C6orf132: variants seen among roughly 807,000 people sequenced by gnomAD.
C6orf132 encodes uncharacterized protein C6orf132.
A neutral mutation model predicts 65.3 loss-of-function variants in C6orf132; 43 were observed. That is an observed-to-expected ratio of 0.66 (90% CI 0.52 to 0.85). The LOEUF (loss-of-function observed/expected upper bound fraction) is 0.85. C6orf132 is among the 40% of genes least tolerant of loss of function. The pLI is 0.00. For missense variants in C6orf132, 1,488 were observed against 1,548.8 expected (o/e 0.96, Z 0.66); for synonymous variants, 631 against 654.1 (o/e 0.96, Z 0.54).
chr6:42,133,296 A>C (rs1766883562), intron 1 of C6orf132, among the ~76,000 whole-genome samples: 1 of 152,236 alleles, frequency 6.6e-6, no homozygotes, highest in African/African-American at 2.4e-5. Context: ...CTCTCGGAAC[A>C]AGACTGCAGT....
At chr6:42,115,509 G>A (rs1203520012) in intron 2 of C6orf132, among the ~76,000 whole-genome samples, 1 of 151,460 alleles carries the variant, frequency 6.6e-6, no homozygotes, top group East Asian at 2.0e-4. Context: ...AGCCCGGCAT[G>A]GTGGCAGGCG....
Position 42,106,527 on chromosome 6 carries a change from C to G in C6orf132, c.1385G>C (p.Arg462Thr). Reference protein sequence around the residue: ...NTASSAPVDWRDPSQMEKLRN... With the variant: ...NTASSAPVDWTDPSQMEKLRN... The stretch of plus-strand genomic sequence containing the variant: ...CAGCTTTTCCATCTGGCTGGGGTCC[C>G]TCCAGTCCACAGGTGCTGAAGACGC... Residue 462 changes from arginine (R) to threonine (T), a missense_variant, in exon 4 of 5, where the codon AGG becomes ACG. By Grantham distance (71) the Arg-to-Thr change is moderately conservative. Transcript: ENST00000341865. 6.5e-7 allele frequency: 1 copy of G among 1,536,410 alleles called. No individual in the cohort carries two copies. The highest frequency in any genetic ancestry group is 8.7e-7 in the Non-Finnish European group (1 of 1,146,848).
intron 2 of C6orf132, among the ~76,000 whole-genome samples, chr6:42,125,790 T>C (rs1488226658): frequency 6.6e-6 from 1 of 151,438 alleles, no homozygotes; most frequent in Non-Finnish European, 1.5e-5. Context: ...TGGCCAGGTC[T>C]GCCTGGGGTC....
intron 1 of C6orf132, among the ~76,000 whole-genome samples, chr6:42,139,583 C>G (rs1767002404): frequency 1.3e-5 from 2 of 152,230 alleles, no homozygotes; most frequent in Non-Finnish European, 2.9e-5. Flanking sequence ...CAGAATGGAG[C>G]CAGGACTGTA....
chr6:42,119,275 A>AG lies in C6orf132; in HGVS notation c.253-8985dup, dbSNP rs1214588120. Reference sequence around the variant, plus strand: ...AAAAAAAAAAAAAAAAAAAAAAAAAAGGGAGAATTCCTGGCCTCCCAAAGT... The same window carrying AG: ...AAAAAAAAAAAAAAAAAAAAAAAAAAGGGGAGAATTCCTGGCCTCCCAAAGT... On this transcript the variant is annotated intron_variant, in intron 2 of 4. Transcript: ENST00000341865. Among the ~76,000 whole-genome samples the AG allele has an allele frequency of 8.0e-4, 103 of 128,124 alleles. 1 individual carries two copies. The highest frequency in any genetic ancestry group is 1.5e-3 in the Admixed American group (19 of 12,338). The allele number at this position is 128,124 out of a possible 152,430, so 84.1% of individuals were successfully genotyped here. A position where few individuals can be genotyped will look rare whatever the true frequency, so the allele number is the denominator to read the frequency against.
chr6:42,116,986 C>T (rs944078219), intron 2 of C6orf132, among the ~76,000 whole-genome samples: 1 of 152,180 alleles, frequency 6.6e-6, no homozygotes, highest in Non-Finnish European at 1.5e-5. Context: ...CTCCCACTTG[C>T]GATCCATTTC....
chr6:42,120,380 G>T (rs60155705), intron 2 of C6orf132, among the ~76,000 whole-genome samples: 1 of 150,468 alleles, frequency 6.6e-6, no homozygotes, highest in African/African-American at 2.4e-5. Flanking sequence ...CCAAGTAGCT[G>T]GGACTACAGG....
chr6:42,123,448 GAGAAGAAGGAGAAGGAGAAGAAGGAGA>G (rs1245993115), intron 2 of C6orf132, among the ~76,000 whole-genome samples: 7 of 43,702 alleles, frequency 1.6e-4, no homozygotes, highest in African/African-American at 8.0e-4. Context: ...GGAGAAGAAG[GAGAAGAAGGAGAAGGAGAAGAAGGAGA>G]AGGAGAAGAA....
Position 42,106,526 on chromosome 6 carries a change from C to T in C6orf132, c.1386G>A (p.Arg462=). The T allele has an allele frequency of 6.5e-7, 1 of 1,536,352 alleles. No homozygotes were observed. Among genetic ancestry groups the T allele is most frequent in the Non-Finnish European group, 8.7e-7 (1 of 1,146,834 alleles). Residue 462 remains arginine, a synonymous_variant, in exon 4 of 5, where the codon AGG becomes AGA. Coordinates refer to ENST00000341865, the MANE Select transcript of C6orf132 (RefSeq NM_001164446.3). ...GCAGCTTTTCCATCTGGCTGGGGTC[C>T]CTCCAGTCCACAGGTGCTGAAGACG... The part of the protein sequence containing the change: ...NTASSAPVDW[R]DPSQMEKLRN...
chr6:42,136,310 C>T (rs1343976107), intron 1 of C6orf132, among the ~76,000 whole-genome samples: 2 of 151,982 alleles, frequency 1.3e-5, no homozygotes, highest in African/African-American at 2.4e-5. Context: ...GATACTTTTC[C>T]GGAAGCCTCC....
At chr6:42,126,055 T>C (rs1766758330) in intron 2 of C6orf132, among the ~76,000 whole-genome samples, 1 of 152,142 alleles carries the variant, frequency 6.6e-6, no homozygotes, top group African/African-American at 2.4e-5. Context: ...GTTTCTACTG[T>C]GTAGAGAAGT....
intron 1 of C6orf132, among the ~76,000 whole-genome samples, chr6:42,138,919 A>G (rs1488436206): frequency 6.6e-6 from 1 of 150,670 alleles, no homozygotes; most frequent in African/African-American, 2.4e-5. Context: ...AGGGCAGAAG[A>G]CTTTGTTAGG....
chr6:42,120,959 C>T (rs1003285085), intron 2 of C6orf132, among the ~76,000 whole-genome samples: 3 of 152,140 alleles, frequency 2.0e-5, no homozygotes, highest in African/African-American at 7.2e-5. Flanking sequence ...GTGGAAAAAA[C>T]ATCAACTTAG....
chr6:42,114,870 T>C (rs1766541189), intron 2 of C6orf132, among the ~76,000 whole-genome samples: 2 of 151,890 alleles, frequency 1.3e-5, no homozygotes, highest in African/African-American at 2.4e-5. Context: ...CCAGGCGTGG[T>C]GGCAAGCGAC....
chr6:42,123,276 G>C (rs944067532), intron 2 of C6orf132, among the ~76,000 whole-genome samples: 1 of 152,020 alleles, frequency 6.6e-6, no homozygotes, highest in African/African-American at 2.4e-5. Context: ...TCAGCTACTC[G>C]GGAGGCTGAG....
At chr6:42,108,264 C>T (rs761523646) in intron 3 of C6orf132, among the ~76,000 whole-genome samples, 16 of 152,302 alleles carry the variant, frequency 1.1e-4, no homozygotes, top group East Asian at 7.7e-4. Flanking sequence ...TCAGTTTCCT[C>T]ATCTGTCAAA....
chr6:42,119,723 C>T (rs1414449157), intron 2 of C6orf132, among the ~76,000 whole-genome samples: 1 of 151,888 alleles, frequency 6.6e-6, no homozygotes, highest in East Asian at 2.0e-4. Context: ...CTCCAAGGCT[C>T]AAGTGATCCT....
At position 42,106,424 on chromosome 6, in the gene C6orf132, C is replaced by T. The variant is rs1766408329; in HGVS notation, c.1488G>A (p.Val496=). The T allele has an allele frequency of 5.2e-6, 8 of 1,536,028 alleles. No individual in the cohort carries two copies. Among genetic ancestry groups the T allele is most frequent in the Non-Finnish European group, 7.0e-6 (8 of 1,146,864 alleles). ...RFLSHRPGPT[V]APQSKEGKKG... ...TCTTGCCCTCCTTGCTCTGAGGGGC[C>T]ACTGTTGGGCCTGGCCTGTGACTGA... is the stretch of plus-strand genomic sequence containing the variant. Residue 496 remains valine (V), a synonymous_variant, in exon 4 of 5, where the codon GTG becomes GTA. Transcript: ENST00000341865.
At chr6:42,133,945 A>T (rs933010502) in intron 1 of C6orf132, among the ~76,000 whole-genome samples, 1 of 152,076 alleles carries the variant, frequency 6.6e-6, no homozygotes, top group Non-Finnish European at 1.5e-5. Flanking sequence ...CCTGGTGCCA[A>T]GCAGGAGACT....
Sources: gnomAD v4.1 joint callset for allele counts (sites outside exome capture counted in the v4.1 genomes callset) on GRCh38, gnomAD v4.1.1 for gene constraint, MANE v1.5 for transcripts, NCBI Gene and HGNC (gene_info 2026-07-23, HGNC 2026-07-21) for gene names.